MCTP1: variants seen among roughly 807,000 people sequenced by gnomAD.
MCTP1 encodes the protein multiple C2 and transmembrane domain-containing protein 1.
A neutral mutation model predicts 120.6 loss-of-function variants in MCTP1; 69 were observed. The observed-to-expected ratio is 0.57, with a 90% confidence interval of 0.47 to 0.70. MCTP1 has a LOEUF of 0.70. Among genes scored for constraint, MCTP1 ranks in the 30% least tolerant of loss-of-function variants. The probability of loss-of-function intolerance (pLI) is 0.00; values close to 1 mark genes in which losing one functional copy is unlikely to be tolerated. For synonymous variants in MCTP1, 529 were observed against 493.1 expected (o/e 1.07, Z -0.96); for missense variants, 1,203 against 1,248.8 (o/e 0.96, Z 0.55).
At chr5:94,755,574 C>T (rs17390561) in intron 19 of MCTP1, among the ~76,000 whole-genome samples, 5,578 of 152,284 alleles carry the variant, frequency 0.037, 123 homozygotes, top group Middle Eastern at 0.054. Context: ...TTCTTTAGTG[C>T]TCATCTTCCA....
At chr5:94,713,636 G>T (rs560517539) in intron 20 of MCTP1, among the ~76,000 whole-genome samples, 2 of 152,244 alleles carry the variant, frequency 1.3e-5, no homozygotes, top group South Asian at 4.2e-4. Flanking sequence ...GAGATGAGAG[G>T]AAGAAGGAGA....
intron 19 of MCTP1, among the ~76,000 whole-genome samples, chr5:94,754,061 T>C (rs1374634925): frequency 3.3e-5 from 5 of 152,254 alleles, no homozygotes; most frequent in Non-Finnish European, 7.3e-5. Flanking sequence ...TTAAAGTGTA[T>C]TGGCTATGCT....
intron 1 of MCTP1, among the ~76,000 whole-genome samples, chr5:95,232,214 C>A (rs1266301542): frequency 7.7e-6 from 1 of 130,170 alleles, no homozygotes; most frequent in South Asian, 2.4e-4. Flanking sequence ...AATAATTATA[C>A]CATCAAAAAA....
At chr5:95,157,409 C>T (rs1209696470) in intron 1 of MCTP1, among the ~76,000 whole-genome samples, 2 of 152,144 alleles carry the variant, frequency 1.3e-5, no homozygotes, top group Non-Finnish European at 2.9e-5. Flanking sequence ...TTCACTTGCA[C>T]TGACCCTAGA....
At chr5:95,061,671 G>A (rs956096699) in intron 1 of MCTP1, among the ~76,000 whole-genome samples, 2 of 151,632 alleles carry the variant, frequency 1.3e-5, no homozygotes, top group Non-Finnish European at 1.5e-5. Context: ...TCCTGACCTC[G>A]TGATCCGCCC....
chr5:94,844,468 C>T (rs1425096037), intron 17 of MCTP1, among the ~76,000 whole-genome samples: 1 of 151,958 alleles, frequency 6.6e-6, no homozygotes, highest in Non-Finnish European at 1.5e-5. Context: ...CAAACGTGGA[C>T]ATTTCATTTG....
chr5:94,968,936 T>G (rs1826184033), intron 2 of MCTP1, among the ~76,000 whole-genome samples: 1 of 152,198 alleles, frequency 6.6e-6, no homozygotes, highest in Non-Finnish European at 1.5e-5. Context: ...AATTCAGATT[T>G]TGTTATTAAT....
chr5:94,915,335 A>G (rs1283512263), intron 8 of MCTP1, among the ~76,000 whole-genome samples: 1 of 152,178 alleles, frequency 6.6e-6, no homozygotes, highest in East Asian at 1.9e-4. Flanking sequence ...TTTAGGGTGG[A>G]GATTCTCTCA....
chr5:94,912,703 A>T, intron 9 of MCTP1, 103 bp downstream of exon 9: 2 of 884,118 alleles, frequency 2.3e-6, no homozygotes, highest in Non-Finnish European at 3.3e-6. Context: ...AGAGTTTGTT[A>T]AGCATTTAAA....
At chr5:95,155,122 G>GA (rs1744964009) in intron 1 of MCTP1, among the ~76,000 whole-genome samples, 1 of 152,074 alleles carries the variant, frequency 6.6e-6, no homozygotes, top group African/African-American at 2.4e-5. Flanking sequence ...TTGCTTTACA[G>GA]AAAAAATATT....
Position 95,180,179 on chromosome 5 carries a change from A to G in MCTP1, c.720+103677T>C, listed in dbSNP as rs1748448346. ...TACTACTAGACCTACCAAATGAAAC[A>G]GAAGGCAACACAACAATAGTGGGGG... is the stretch of plus-strand genomic sequence containing the variant. On this transcript the variant is annotated intron_variant, in intron 1 of 22. Transcript: ENST00000515393. Among the ~76,000 whole-genome samples the G allele has an allele frequency of 1.3e-5, 2 of 152,224 alleles. 1 individual carries two copies. Among genetic ancestry groups the G allele is most frequent in the South Asian group, 4.1e-4 (2 of 4,832 alleles).
At chr5:94,844,708 T>C (rs1201801618) in intron 17 of MCTP1, among the ~76,000 whole-genome samples, 1 of 152,194 alleles carries the variant, frequency 6.6e-6, no homozygotes, top group East Asian at 1.9e-4. Context: ...CTGAACCTCT[T>C]GCACTCACAA....
rs115329682 is a variant in MCTP1, at chr5:94,743,423, C to T, written c.2611-28537G>A. 8.8e-3 allele frequency among the ~76,000 whole-genome samples: 1,338 copies of T among 151,992 alleles called. 21 individuals carry two copies. The highest frequency in any genetic ancestry group is 9.6e-3 in the Non-Finnish European group (654 of 67,992). On this transcript the variant is annotated intron_variant, in intron 19 of 22. Coordinates refer to ENST00000515393, the MANE Select transcript of MCTP1 (RefSeq NM_024717.7). ...ATAAAAAAGGAAGCTTGCAGCCTCACGAAGGTGAGATAAGAGAGAAAGTGA... is the reference window on the plus strand; with the variant it reads ...ATAAAAAAGGAAGCTTGCAGCCTCATGAAGGTGAGATAAGAGAGAAAGTGA...
intron 17 of MCTP1, among the ~76,000 whole-genome samples, chr5:94,837,432 A>C (rs1385095423): frequency 6.6e-6 from 1 of 152,174 alleles, no homozygotes; most frequent in Non-Finnish European, 1.5e-5. Context: ...TGTTTGGTTA[A>C]GAATCTGAGA....
At chr5:95,001,874 C>T (rs907396819) in intron 2 of MCTP1, among the ~76,000 whole-genome samples, 16 of 152,290 alleles carry the variant, frequency 1.1e-4, no homozygotes, top group African/African-American at 3.1e-4. Flanking sequence ...GGGGAAATGT[C>T]GACAGGGCAT....
intron 22 of MCTP1, 136 bp downstream of exon 22, chr5:94,708,376 T>TA (rs1464816347): frequency 1.8e-6 from 1 of 549,388 alleles, no homozygotes; most frequent in Non-Finnish European, 3.2e-6. Flanking sequence ...TTCTGACTGG[T>TA]AAAATCTGCT....
At chr5:95,212,519 C>T (rs1285513247) in intron 1 of MCTP1, among the ~76,000 whole-genome samples, 1 of 152,042 alleles carries the variant, frequency 6.6e-6, no homozygotes, top group African/African-American at 2.4e-5. Context: ...TTTATGAGGC[C>T]AGCATCATAC....
intron 8 of MCTP1, among the ~76,000 whole-genome samples, chr5:94,914,340 T>C (rs527892492): frequency 6.6e-6 from 1 of 152,354 alleles, no homozygotes; most frequent in African/African-American, 2.4e-5. Context: ...AGTTACAGTC[T>C]ATTTTACGTA....
intron 19 of MCTP1, among the ~76,000 whole-genome samples, chr5:94,776,760 C>T (rs565457297): frequency 6.6e-6 from 1 of 152,096 alleles, no homozygotes; most frequent in African/African-American, 2.4e-5. Context: ...ACTGTGTACA[C>T]AAACTTTAAA....
Sources: gnomAD v4.1 joint callset for allele counts (sites outside exome capture counted in the v4.1 genomes callset) on GRCh38, gnomAD v4.1.1 for gene constraint, MANE v1.5 for transcripts, NCBI Gene and HGNC (gene_info 2026-07-23, HGNC 2026-07-21) for gene names.